Variants in TDRD9 observed in about 807,000 individuals in gnomAD.
TDRD9 encodes ATP-dependent RNA helicase TDRD9.
Under a neutral mutation model 172.6 loss-of-function variants are expected in TDRD9, and 124 were observed. That is an observed-to-expected ratio of 0.72 (90% confidence interval 0.62 to 0.83). The LOEUF (loss-of-function observed/expected upper bound fraction) is 0.83. Ranked by LOEUF, TDRD9 falls within the 40% of genes least tolerant of loss-of-function variation. The pLI is 0.00. For synonymous variants in TDRD9, 619 were observed against 617.1 expected, an observed-to-expected ratio of 1.00 and a Z score of -0.05; for missense variants, 1,479 against 1,714.1, an observed-to-expected ratio of 0.86 and a Z score of 2.42.
intron 5 of TDRD9, among the ~76,000 whole-genome samples, chr14:103,968,789 C>T (rs1229187142): frequency 1.2e-3 from 1 of 848 alleles, no homozygotes; most frequent in Admixed American, 0.029. Context: ...GAGTGAGACT[C>T]TGTCTCAAAA....
At position 103,956,728 on chromosome 14, in the gene TDRD9, A is replaced by T. The variant is rs1018439754; in HGVS notation, c.322+958A>T. Among the ~76,000 whole-genome samples, 11 of 152,254 alleles carry T rather than the reference A, an allele frequency of 7.2e-5. No homozygotes were observed. In the East Asian group the frequency reaches 2.1e-3, roughly 29 times the overall value. ...ACAATGCAGAAATGTATAAAATAAA[A>T]AAGTAAAAGGTCCTTCTTAAATTCC... is the stretch of plus-strand genomic sequence containing the variant. On this transcript the variant is annotated intron_variant, in intron 2 of 35. Coordinates refer to ENST00000409874, the MANE Select transcript of TDRD9 (RefSeq NM_153046.3).
Position 104,026,029 on chromosome 14 carries a change from A to G in TDRD9, c.2932-18A>G. 1.3e-6 allele frequency: 2 copies of G among 1,535,846 alleles called. No homozygotes were observed. Among genetic ancestry groups the G allele is most frequent in the Non-Finnish European group, 1.8e-6 (2 of 1,108,798 alleles). ...TTTTTGACCCCGTCGTAAAGTGTAT[A>G]CTTGCTTTATTTTCTAGGTATTCTT... On this transcript the variant is annotated intron_variant, in intron 26 of 35. Coordinates refer to ENST00000409874, the MANE Select transcript of TDRD9 (RefSeq NM_153046.3).
intron 1 of TDRD9, among the ~76,000 whole-genome samples, chr14:103,952,727 C>T (rs1371012749): frequency 4.0e-4 from 35 of 86,576 alleles, no homozygotes; most frequent in Non-Finnish European, 6.5e-4. Context: ...GGAATTCTCT[C>T]TCTTTTTTTT....
chr14:104,019,162 A>G (rs1447813694), intron 23 of TDRD9, among the ~76,000 whole-genome samples: 2 of 152,234 alleles, frequency 1.3e-5, no homozygotes, highest in East Asian at 1.9e-4. Flanking sequence ...TCACACAGCT[A>G]AACTCATTCC....
At position 103,997,154 on chromosome 14, in the gene TDRD9, C is replaced by T. The variant is rs1242487952; in HGVS notation, c.1378+1347C>T. On this transcript the variant is annotated intron_variant, in intron 12 of 35. Coordinates refer to ENST00000409874, the MANE Select transcript of TDRD9 (RefSeq NM_153046.3). This position sits in a 1 kb window ranked among gnomAD's most constrained non-coding sequence, Gnocchi z 5.1. ...GTTTTGAAAACAGAAATGACATAAC[C>T]TGAAGTTCACTTAACAGGATTTCTC... Among the ~76,000 whole-genome samples, 1 of 152,154 alleles carries T rather than the reference C, an allele frequency of 6.6e-6. No individual in the cohort carries two copies. The highest frequency in any genetic ancestry group is 2.4e-5 in the African/African-American group (1 of 41,426).
In TDRD9 at chr14:103,929,528, C is replaced by T. The variant is rs549627027; in HGVS notation, c.215+804C>T. ...AGCTTGGTTGCTTCCAAGTTCTCCC[C>T]CCACCCCCCGAGATGGAGTCTCACT... On this transcript the variant is annotated intron_variant, in intron 1 of 35. Coordinates refer to ENST00000409874, the MANE Select transcript of TDRD9 (RefSeq NM_153046.3). Among the ~76,000 whole-genome samples, 173 of 151,882 alleles carry T rather than the reference C, an allele frequency of 1.1e-3. 2 individuals carry two copies. The highest frequency in any genetic ancestry group is 1.8e-3 in the Non-Finnish European group (125 of 67,906).
At chr14:103,998,840 T>A (rs2005081) in intron 13 of TDRD9, 112 bp downstream of exon 13, 165,603 of 593,046 alleles carry the variant, frequency 0.28, 25,153 homozygotes, top group South Asian at 0.43. Context: ...TCGCCCAGGC[T>A]GGAAGGCAGT....
intron 7 of TDRD9, among the ~76,000 whole-genome samples, chr14:103,981,885 A>T (rs2033485555): frequency 6.6e-6 from 1 of 152,234 alleles, no homozygotes; most frequent in Non-Finnish European, 1.5e-5. Context: ...TTTTGAGCTT[A>T]TAAAAATGGT....
At chr14:103,988,777 C>T (rs536959464) in intron 8 of TDRD9, among the ~76,000 whole-genome samples, 5 of 151,212 alleles carry the variant, frequency 3.3e-5, no homozygotes, top group East Asian at 1.9e-4. Context: ...ACAGCAGCCT[C>T]GACCTCATTG....
intron 5 of TDRD9, 119 bp downstream of exon 5, chr14:103,966,950 A>G: frequency 1.1e-6 from 1 of 938,080 alleles, no homozygotes; most frequent in East Asian, 2.9e-5. Flanking sequence ...CTTCCCCTTT[A>G]CTTTCTGGAC....
At chr14:103,959,456 G>A (rs921624908) in intron 2 of TDRD9, among the ~76,000 whole-genome samples, 20 of 10,164 alleles carry the variant, frequency 2.0e-3, no homozygotes, top group Non-Finnish European at 5.1e-3. Context: ...TCAGGTTATC[G>A]TGTGTGTGTG....
chr14:103,969,733 A>G (rs1258689686), intron 5 of TDRD9, among the ~76,000 whole-genome samples: 1 of 136,902 alleles, frequency 7.3e-6, no homozygotes, highest in Non-Finnish European at 1.5e-5. Flanking sequence ...CCCCTTGTAC[A>G]TTGATGTTTC....
Position 103,929,470 on chromosome 14 carries a change from C to T in TDRD9, c.215+746C>T. On this transcript the variant is annotated intron_variant, in intron 1 of 35. Coordinates refer to ENST00000409874, the MANE Select transcript of TDRD9 (RefSeq NM_153046.3). Reference sequence around the variant, plus strand: ...ATTAATATTCCACTGTCTGGATGTACCACAGTTTATCTCCATTCACCTACT... The same window carrying T: ...ATTAATATTCCACTGTCTGGATGTATCACAGTTTATCTCCATTCACCTACT... 2.0e-5 allele frequency among the ~76,000 whole-genome samples: 3 copies of T among 152,198 alleles called. No individual in the cohort carries two copies. In the South Asian group the frequency reaches 6.2e-4, roughly 32 times the overall value.
At chr14:104,035,477 C>G (rs2035424129) in intron 32 of TDRD9, among the ~76,000 whole-genome samples, 1 of 152,154 alleles carries the variant, frequency 6.6e-6, no homozygotes, top group African/African-American at 2.4e-5. Context: ...GCAGATTGCC[C>G]AGCAGATTGT....
Position 103,954,535 on chromosome 14 carries a change from T to C in TDRD9, c.216-1129T>C, listed in dbSNP as rs116506414. 7.8e-3 allele frequency among the ~76,000 whole-genome samples: 1,187 copies of C among 152,378 alleles called. 14 individuals are homozygous for C. The highest frequency in any genetic ancestry group is 0.027 in the African/African-American group (1,142 of 41,582). ...TTTCCATGCATGTCTTTGCACGTGC[T>C]TCGTTTACATGTGCTGATGTTTAAC... On this transcript the variant is annotated intron_variant, in intron 1 of 35. Coordinates refer to ENST00000409874, the MANE Select transcript of TDRD9 (RefSeq NM_153046.3).
chr14:104,022,159 C>G lies in TDRD9; in HGVS notation c.2435C>G (p.Ala812Gly). ...TTAAATTTACATTTGTGGAACAGAG[C>G]CTTTGTGGAATTCTCACGAAATCCA... ...VKSIVFDGAK[A>G]FVEFSRNPTE... is the part of the protein sequence containing the mutation. Residue 812 changes from alanine to glycine, a missense_variant and splice_region_variant, in exon 24 of 36, where the codon GCC (alanine) becomes GGC (glycine). Transcript: ENST00000409874. 6.4e-7 allele frequency: 1 copy of G among 1,551,854 alleles called. No individual in the cohort carries two copies.
chr14:104,040,080 T>C (rs1311526796), intron 32 of TDRD9, 116 bp from the exon 33 acceptor site: 1 of 894,442 alleles, frequency 1.1e-6, no homozygotes, highest in Non-Finnish European at 1.5e-6. Context: ...GTGAAATTAA[T>C]TGCTGTACTA....
At chr14:104,038,214 CT>C (rs1255902895) in intron 32 of TDRD9, among the ~76,000 whole-genome samples, 2 of 152,096 alleles carry the variant, frequency 1.3e-5, no homozygotes, top group African/African-American at 4.8e-5. Context: ...GTGGGGGGAT[CT>C]TTAAACAACA....
Position 104,026,869 on chromosome 14 carries a change from C to T in TDRD9, c.3212C>T (p.Ala1071Val), listed in dbSNP as rs1022266300. The T allele has an allele frequency of 6.2e-6, 10 of 1,613,890 alleles. No individual in the cohort carries two copies. Among genetic ancestry groups the T allele is most frequent in the Non-Finnish European group, 8.5e-6 (10 of 1,179,900 alleles). Residue 1071 changes from alanine to valine, a missense_variant, in exon 28 of 36, where the codon GCC becomes GTC. Coordinates refer to ENST00000409874, the MANE Select transcript of TDRD9 (RefSeq NM_153046.3). ...TACCAGTACTCAGGGGTCCAGGATGCCATCAACATAAGAGACGTCCTCATC... is the reference window on the plus strand; with the variant it reads ...TACCAGTACTCAGGGGTCCAGGATGTCATCAACATAAGAGACGTCCTCATC... ...DVYQYSGVQD[A>V]INIRDVLIQQ...
Sources: allele counts gnomAD v4.1 joint callset (sites outside exome capture counted in the v4.1 genomes callset), GRCh38; gene constraint gnomAD v4.1.1; non-coding constraint Gnocchi (gnomAD v3.1); transcripts MANE v1.5; gene names NCBI Gene and HGNC (gene_info 2026-07-23, HGNC 2026-07-21).